The following ATP2B2 variants were observed in gnomAD, a reference collection of about 807,000 sequenced individuals.
ATP2B2 encodes plasma membrane calcium-transporting ATPase 2.
ATP2B2 carries 15 observed loss-of-function variants against 120.0 expected under a neutral mutation model. The ratio of observed to expected loss-of-function variants is 0.12; its 90% CI spans 0.08 to 0.19. The LOEUF is 0.19. Ranked by LOEUF, ATP2B2 falls within the 10% of genes least tolerant of loss-of-function variation. The pLI is 1.00. For missense variants in ATP2B2, 1,045 were observed against 1,719.8 expected, an observed-to-expected ratio of 0.61 and a Z score of 6.94; for synonymous variants, 694 against 700.3, an observed-to-expected ratio of 0.99 and a Z score of 0.14.
intron 1 of ATP2B2, among the ~76,000 whole-genome samples, chr3:10,492,994 C>A (rs2065993713): frequency 6.6e-6 from 1 of 152,128 alleles, no homozygotes; most frequent in African/African-American, 2.4e-5. Context: ...CTCCCCTGTA[C>A]CACCTCTCCA....
intron 3 of ATP2B2, among the ~76,000 whole-genome samples, chr3:10,528,470 T>C (rs990781793): frequency 2.0e-5 from 3 of 152,206 alleles, no homozygotes; most frequent in African/African-American, 7.2e-5. Context: ...GCCTGATCAC[T>C]TTCTCTTCAT....
chr3:10,498,731 G>A lies in ATP2B2; in HGVS notation c.-320+6734C>T, dbSNP rs11923025. Among the ~76,000 whole-genome samples, 1,153 of 152,308 alleles carry A rather than the reference G, an allele frequency of 7.6e-3. 15 individuals are homozygous for A. Among genetic ancestry groups the A allele is most frequent in the African/African-American group, 0.026 (1,094 of 41,566 alleles). On this transcript the variant is annotated intron_variant, in intron 1 of 22. Coordinates refer to ENST00000360273, the MANE Select transcript of ATP2B2 (RefSeq NM_001001331.4). ...CAGAGACCTGCTTTCTTCCTTCAAA[G>A]CTACATGGTGCTTGGACCCCAAACG...
At chr3:10,606,276 A>C (rs955022725) in intron 2 of ATP2B2, among the ~76,000 whole-genome samples, 9 of 152,100 alleles carry the variant, frequency 5.9e-5, no homozygotes, top group Admixed American at 4.6e-4. Flanking sequence ...TCATCTATAA[A>C]ATGAGGGTAG....
intron 6 of ATP2B2, chr3:10,388,027 C>T: frequency 2.1e-6 from 1 of 486,468 alleles, no homozygotes; most frequent in Non-Finnish European, 3.7e-6. Flanking sequence ...GCATCCTTGG[C>T]CTGGCCCGGA....
intron 2 of ATP2B2, among the ~76,000 whole-genome samples, chr3:10,617,400 A>G (rs2069421265): frequency 6.6e-6 from 1 of 152,258 alleles, no homozygotes; most frequent in Non-Finnish European, 1.5e-5. Flanking sequence ...CTACCCGCCT[A>G]TAGTCAATAC....
chr3:10,638,454 C>T (rs2070082887), intron 1 of ATP2B2, among the ~76,000 whole-genome samples: 2 of 151,744 alleles, frequency 1.3e-5, no homozygotes, highest in African/African-American at 4.8e-5. Context: ...AAAAAAACCA[C>T]TAAAATAACA....
At chr3:10,632,133 G>GT (rs1553641748) in intron 1 of ATP2B2, among the ~76,000 whole-genome samples, 5 of 152,344 alleles carry the variant, frequency 3.3e-5, no homozygotes, top group Non-Finnish European at 5.9e-5. Flanking sequence ...CCTGCAGATG[G>GT]TTTTTTGTGG....
intron 1 of ATP2B2, among the ~76,000 whole-genome samples, chr3:10,471,438 A>G (rs1559379215): frequency 1.3e-5 from 2 of 149,754 alleles, no homozygotes; most frequent in African/African-American, 4.9e-5. Context: ...GCATGTGCAG[A>G]TGTGTGTGTG....
rs1010995183 is a variant in ATP2B2, at chr3:10,617,119, A to C, written c.-415+2798T>G. Among the ~76,000 whole-genome samples, 20 of 152,330 alleles carry C rather than the reference A, an allele frequency of 1.3e-4. 1 individual carries two copies. Among genetic ancestry groups the C allele is most frequent in the African/African-American group, 4.6e-4 (19 of 41,574 alleles). On this transcript the variant is annotated intron_variant, in intron 2 of 21. Transcript: ENST00000646379. Reference sequence around the variant, plus strand: ...CCATTGGCATTGTTTCCTATTGTTAACTAATATAAATACTGCTGTGATACA... The same window carrying C: ...CCATTGGCATTGTTTCCTATTGTTACCTAATATAAATACTGCTGTGATACA...
At chr3:10,485,120 G>C (rs1046797838) in intron 1 of ATP2B2, among the ~76,000 whole-genome samples, 1 of 152,210 alleles carries the variant, frequency 6.6e-6, no homozygotes, top group African/African-American at 2.4e-5. Context: ...CAGGGGACAA[G>C]AGGTGAGGGG....
chr3:10,509,550 G>A (rs984026581), upstream of ATP2B2, among the ~76,000 whole-genome samples: 2 of 152,180 alleles, frequency 1.3e-5, no homozygotes, highest in African/African-American at 4.8e-5. Flanking sequence ...AAGTTACAGA[G>A]CCAGTGAGGA....
intron 1 of ATP2B2, among the ~76,000 whole-genome samples, chr3:10,697,471 A>G (rs1322463285): frequency 6.6e-6 from 1 of 152,130 alleles, no homozygotes; most frequent in Non-Finnish European, 1.5e-5. Flanking sequence ...TAAGGACAAT[A>G]CCCAACATAC....
chr3:10,359,823 T>C, intron 13 of ATP2B2, 59 bp downstream of exon 13: 4 of 1,611,212 alleles, frequency 2.5e-6, no homozygotes, highest in East Asian at 2.2e-5. Flanking sequence ...GACCCTGACA[T>C]CCCCAGCTCC....
At chr3:10,457,409 G>A (rs1328135016) in intron 1 of ATP2B2, among the ~76,000 whole-genome samples, 2 of 152,112 alleles carry the variant, frequency 1.3e-5, no homozygotes, top group Non-Finnish European at 1.5e-5. Flanking sequence ...TGCAAATGCT[G>A]GTCTTAGAGT....
chr3:10,334,555 G>A (rs1196908846), intron 22 of ATP2B2, among the ~76,000 whole-genome samples: 1 of 152,094 alleles, frequency 6.6e-6, no homozygotes, highest in Non-Finnish European at 1.5e-5. Context: ...GCCTAGTGAC[G>A]GTATCTCATG....
intron 3 of ATP2B2, among the ~76,000 whole-genome samples, chr3:10,515,147 T>G (rs2066851658): frequency 6.6e-6 from 1 of 152,234 alleles, no homozygotes; most frequent in Non-Finnish European, 1.5e-5. Context: ...GCTCTGCCAC[T>G]TACCACTGGG....
intron 6 of ATP2B2, 192 bp downstream of exon 6, chr3:10,388,085 G>T: frequency 1.3e-6 from 1 of 745,088 alleles, no homozygotes; most frequent in Admixed American, 2.2e-5. Context: ...CAGAGACTGG[G>T]ACAAGACCTG....
intron 1 of ATP2B2, among the ~76,000 whole-genome samples, chr3:10,501,265 C>T (rs1056247365): frequency 6.6e-6 from 1 of 152,208 alleles, no homozygotes; most frequent in Non-Finnish European, 1.5e-5. Flanking sequence ...CCCCTGCCTC[C>T]CGCCGCCTCC....
chr3:10,364,251 A>G (rs2060979316), intron 12 of ATP2B2, among the ~76,000 whole-genome samples: 1 of 152,182 alleles, frequency 6.6e-6, no homozygotes, highest in South Asian at 2.1e-4. Context: ...CTTACCATTT[A>G]ATGGGTACAG....
Sources: gnomAD v4.1 joint callset for allele counts (sites outside exome capture counted in the v4.1 genomes callset) on GRCh38, gnomAD v4.1.1 for gene constraint, MANE v1.5 for transcripts, NCBI Gene and HGNC (gene_info 2026-07-23, HGNC 2026-07-21) for gene names.